Variants in WDR20 observed in about 807,000 individuals in gnomAD.
WDR20 encodes WD repeat domain 20.
In WDR20, 3 loss-of-function variants were observed where a neutral mutation model predicts 38.7. The observed-to-expected ratio is 0.08, with a 90% CI of 0.04 to 0.20. WDR20 has a LOEUF of 0.20. Ranked by LOEUF, WDR20 falls within the 10% of genes least tolerant of loss-of-function variation. The probability of loss-of-function intolerance (pLI) is 1.00; values close to 1 mark genes in which losing one functional copy is unlikely to be tolerated. For synonymous variants in WDR20, 298 were observed against 285.6 expected (o/e 1.04, Z -0.44); for missense variants, 559 against 727.7 (o/e 0.77, Z 2.67).
chr14:102,177,144 A>G (rs1449981063), intron 1 of WDR20, among the ~76,000 whole-genome samples: 1 of 152,226 alleles, frequency 6.6e-6, no homozygotes, highest in Non-Finnish European at 1.5e-5. Context: ...TGCCTCTTCA[A>G]AATCTCTCTA....
At chr14:102,176,133 G>A (rs577706376) in intron 1 of WDR20, among the ~76,000 whole-genome samples, 4 of 152,318 alleles carry the variant, frequency 2.6e-5, no homozygotes, top group Non-Finnish European at 5.9e-5. Flanking sequence ...GGTGGCTCAC[G>A]CCTGTAATCT....
At chr14:102,203,685 C>T (rs1283541958) in intron 2 of WDR20, among the ~76,000 whole-genome samples, 3 of 152,136 alleles carry the variant, frequency 2.0e-5, no homozygotes, top group Non-Finnish European at 4.4e-5. Flanking sequence ...GCCTCCCTGC[C>T]CACCCCCGAA....
chr14:102,192,973 G>A (rs960180723), intron 1 of WDR20, among the ~76,000 whole-genome samples: 1 of 149,482 alleles, frequency 6.7e-6, no homozygotes, highest in African/African-American at 2.5e-5. Context: ...ACACCTAGCT[G>A]ATTTTTTATT....
intron 1 of WDR20, among the ~76,000 whole-genome samples, chr14:102,178,229 C>G (rs1419330791): frequency 6.6e-6 from 1 of 151,638 alleles, no homozygotes; most frequent in Non-Finnish European, 1.5e-5. Context: ...CCGTCTCTAC[C>G]AAAAATATAA....
intron 1 of WDR20, among the ~76,000 whole-genome samples, chr14:102,153,425 G>T (rs2056597556): frequency 6.6e-6 from 1 of 150,690 alleles, no homozygotes; most frequent in Non-Finnish European, 1.5e-5. Context: ...TCCTGCCTCA[G>T]CCTCTGGAGT....
At position 102,207,988 on chromosome 14, in the gene WDR20, G is replaced by T. The variant is rs2061866244; in HGVS notation, c.433-615G>T. On this transcript the variant is annotated intron_variant, in intron 2 of 2. Transcript: ENST00000342702. The surrounding 1 kb of genome is among the most constrained non-coding windows in gnomAD (Gnocchi z 5.0). ...CTTATGGAGATGCACGTGGGGCGGT[G>T]CATGGGAGTGAGGCGGCCTCAGTGG... Among the ~76,000 whole-genome samples, 1 of 152,198 alleles carries T rather than the reference G, an allele frequency of 6.6e-6. No homozygotes were observed. The highest frequency in any genetic ancestry group is 2.1e-4 in the South Asian group (1 of 4,826).
intron 1 of WDR20, among the ~76,000 whole-genome samples, chr14:102,153,762 C>T (rs578142693): frequency 6.6e-6 from 1 of 152,316 alleles, no homozygotes; most frequent in African/African-American, 2.4e-5. Context: ...GCTCACCTCC[C>T]TTATTTTATG....
At chr14:102,196,145 C>T (rs1596655046) in intron 2 of WDR20, among the ~76,000 whole-genome samples, 1 of 152,102 alleles carries the variant, frequency 6.6e-6, no homozygotes, top group East Asian at 1.9e-4. Context: ...AGTTATGGTA[C>T]TTGCTATTCA....
At position 102,195,089 on chromosome 14, in the gene WDR20, A is replaced by G. The variant is rs78964001; in HGVS notation, c.401A>G (p.Lys134Arg). Residue 134 changes from lysine (K) to arginine (R), a missense_variant, in exon 2 of 3, where the codon AAA becomes AGA. Lys to Arg is a conservative substitution (Grantham distance 26). Coordinates refer to ENST00000342702, the MANE Select transcript of WDR20 (RefSeq NM_144574.4). ...CAAGTCCAGCTTATAGACCCAATCA[A>G]AAAAGAAACTAGCAAACTTTTTAAT... is the stretch of plus-strand genomic sequence containing the variant. Reference protein sequence around the residue: ...AGQVQLIDPIKKETSKLFNEE... With the variant: ...AGQVQLIDPIRKETSKLFNEE... 1.1e-5 allele frequency: 17 copies of G among 1,614,030 alleles called. No individual in the cohort carries two copies. Among genetic ancestry groups the G allele is most frequent in the Non-Finnish European group, 1.3e-5 (15 of 1,180,024 alleles).
At chr14:102,199,995 G>A (rs1391406692) in intron 2 of WDR20, among the ~76,000 whole-genome samples, 1 of 152,192 alleles carries the variant, frequency 6.6e-6, no homozygotes, top group African/African-American at 2.4e-5. Context: ...CTTCCATTGG[G>A]GGTGAAGGCA....
In WDR20 at chr14:102,195,627, G is replaced by A. The variant is rs78784310; in HGVS notation, c.432+507G>A. ...CTTTGACATAGTTGGAAATCCTGGC[G>A]CTTAAAGTTTGGTCACATGACATAG... On this transcript the variant is annotated intron_variant, in intron 2 of 2. Coordinates refer to ENST00000342702, the MANE Select transcript of WDR20 (RefSeq NM_144574.4). 4.6e-3 allele frequency among the ~76,000 whole-genome samples: 695 copies of A among 152,308 alleles called. 6 individuals are homozygous for A. The highest frequency in any genetic ancestry group is 0.015 in the African/African-American group (644 of 41,562).
At chr14:102,196,208 G>C (rs1194870823) in intron 2 of WDR20, among the ~76,000 whole-genome samples, 1 of 152,110 alleles carries the variant, frequency 6.6e-6, no homozygotes, top group Non-Finnish European at 1.5e-5. Context: ...CAGTGGATTT[G>C]ATAAGATCTT....
intron 1 of WDR20, among the ~76,000 whole-genome samples, chr14:102,155,648 AAT>A: frequency 6.6e-6 from 1 of 152,336 alleles, no homozygotes; most frequent in East Asian, 1.9e-4. Flanking sequence ...GAATGGGAAA[AAT>A]ATTTCACTTT....
chr14:102,188,670 C>A (rs1479882505), intron 1 of WDR20, among the ~76,000 whole-genome samples: 3 of 151,348 alleles, frequency 2.0e-5, no homozygotes, highest in Admixed American at 6.6e-5. Context: ...GAGTTTGATA[C>A]CAGCCTGGGC....
downstream of WDR20, among the ~76,000 whole-genome samples, chr14:102,210,754 G>T (rs1397931650): frequency 1.3e-5 from 2 of 152,174 alleles, no homozygotes; most frequent in African/African-American, 4.8e-5. Flanking sequence ...AGGTGCGGTG[G>T]GGGAGGGGGA....
At chr14:102,215,052 C>T (rs2063050414), downstream of WDR20, 2 of 943,558 alleles carry the variant, frequency 2.1e-6, no homozygotes, top group Non-Finnish European at 2.5e-6. Flanking sequence ...CTTTAAAAAT[C>T]CCAGTGAACC....
At chr14:102,190,772 G>C (rs1375229997) in intron 1 of WDR20, among the ~76,000 whole-genome samples, 1 of 150,996 alleles carries the variant, frequency 6.6e-6, no homozygotes. Context: ...AGGCTGAGGC[G>C]GGCAGATCAC....
chr14:102,187,301 G>A (rs1566965036), intron 1 of WDR20, among the ~76,000 whole-genome samples: 1 of 152,154 alleles, frequency 6.6e-6, no homozygotes, highest in South Asian at 2.1e-4. Flanking sequence ...TTTAAAAGGA[G>A]CTGGACTTTC....
intron 1 of WDR20, among the ~76,000 whole-genome samples, chr14:102,164,368 G>GC (rs5811060): frequency 0.9 from 137,657 of 152,108 alleles, 62,342 homozygotes; most frequent in East Asian, 1. Flanking sequence ...AAGTACCTTG[G>GC]TGCTAGCTTT....
Sources: gnomAD v4.1 joint callset for allele counts (sites outside exome capture counted in the v4.1 genomes callset) on GRCh38, gnomAD v4.1.1 for gene constraint, Gnocchi (gnomAD v3.1) non-coding constraint, MANE v1.5 for transcripts, NCBI Gene and HGNC (gene_info 2026-07-23, HGNC 2026-07-21) for gene names.